DOP1B: variants seen among roughly 807,000 people sequenced by gnomAD.
The protein encoded by DOP1B is protein DOP1B.
In DOP1B, 174 loss-of-function variants were observed where a neutral mutation model predicts 233.5. The observed-to-expected ratio is 0.75, with a 90% CI of 0.66 to 0.85. The LOEUF (loss-of-function observed/expected upper bound fraction) is 0.85, where lower values mean the gene tolerates loss of function less well. Among genes scored for constraint, DOP1B ranks in the 40% least tolerant of loss-of-function variants. The pLI is 0.00. For missense variants in DOP1B, 2,652 were observed against 2,846.6 expected, an observed-to-expected ratio of 0.93 and a Z score of 1.56; for synonymous variants, 1,190 against 1,185.6, an observed-to-expected ratio of 1.00 and a Z score of -0.08.
rs1172730528 is a variant in DOP1B, at chr21:36,201,345, C to CTT, written c.491+863_491+864dup. 3.4e-3 allele frequency among the ~76,000 whole-genome samples: 282 copies of CTT among 83,248 alleles called. 28 individuals are homozygous for CTT. Among genetic ancestry groups the CTT allele is most frequent in the East Asian group, 0.019 (55 of 2,938 alleles). 54.6% of individuals were successfully genotyped at this position (83,248 alleles called of 152,430 possible). A position where few individuals can be genotyped will look rare whatever the true frequency, so the allele number is the denominator to read the frequency against. On this transcript the variant is annotated intron_variant, in intron 4 of 36. Coordinates refer to ENST00000691173, the MANE Select transcript of DOP1B (RefSeq NM_001320714.2). ...TCTATTCCACTGTATCTATTGGATT[C>CTT]TTTTTTTTTTTTTTTTTTTTGAGAC... is the stretch of plus-strand genomic sequence containing the variant.
chr21:36,245,542 G>A lies in DOP1B; in HGVS notation c.3562G>A (p.Ala1188Thr), dbSNP rs759779144. The A allele has an allele frequency of 1.2e-6, 2 of 1,613,518 alleles. No individual in the cohort carries two copies. The highest frequency in any genetic ancestry group is 1.7e-6 in the Non-Finnish European group (2 of 1,180,022). ...LVRVDSDKTQ[A>T]SESFSSDEEA... ...GCGGGTGGACTCGGACAAGACGCAG[G>A]CTTCTGAGTCGTTCTCCAGCGACGA... The change falls in exon 19 of 37, where the codon GCT becomes ACT. Residue 1188 changes from alanine to threonine, a missense_variant. Physicochemically the swap from Ala to Thr is moderately conservative, Grantham distance 58. Coordinates refer to ENST00000691173, the MANE Select transcript of DOP1B (RefSeq NM_001320714.2). The surrounding 1 kb of genome is among the most constrained non-coding windows in gnomAD (Gnocchi z 5.5).
chr21:36,179,143 C>CA, intron 2 of DOP1B, among the ~76,000 whole-genome samples: 1 of 152,358 alleles, frequency 6.6e-6, no homozygotes, highest in East Asian at 1.9e-4. Flanking sequence ...TTGTGTACAT[C>CA]AAAGTTTCCT....
At chr21:36,196,616 G>T (rs2066293442) in intron 2 of DOP1B, among the ~76,000 whole-genome samples, 1 of 151,016 alleles carries the variant, frequency 6.6e-6, no homozygotes, top group Non-Finnish European at 1.5e-5. Context: ...CTTCATAAAT[G>T]ATGTTTTAAG....
chr21:36,207,071 A>G (rs1261662750), intron 4 of DOP1B, among the ~76,000 whole-genome samples: 1 of 152,204 alleles, frequency 6.6e-6, no homozygotes, highest in African/African-American at 2.4e-5. Context: ...CACTTGCTCA[A>G]ATAGGCACTG....
At chr21:36,279,902 T>G (rs2067397222) in intron 30 of DOP1B, among the ~76,000 whole-genome samples, 1 of 152,134 alleles carries the variant, frequency 6.6e-6, no homozygotes, top group Non-Finnish European at 1.5e-5. Context: ...TGAGATGGAG[T>G]TTTGCTCTTG....
rs770088392 is a variant in DOP1B, at chr21:36,239,859, G to T, written c.2971G>T (p.Asp991Tyr). 6.3e-7 allele frequency: 1 copy of T among 1,595,326 alleles called. No homozygotes were observed. The highest frequency in any genetic ancestry group is 8.5e-7 in the Non-Finnish European group (1 of 1,172,730). Reference sequence around the variant, plus strand: ...GCTGGTGCGTGCGCTCTCCCTCGGGGACGTGGCTCGCATCCTCGAACCCGT... The same window carrying T: ...GCTGGTGCGTGCGCTCTCCCTCGGGTACGTGGCTCGCATCCTCGAACCCGT... Reference protein sequence around the residue: ...GWLVRALSLGDVARILEPVLL... With the variant: ...GWLVRALSLGYVARILEPVLL... Residue 991 changes from aspartate (D) to tyrosine (Y), a missense_variant, in exon 18 of 37, where the codon GAC becomes TAC. By Grantham distance (160) the Asp-to-Tyr change is radical. Transcript: ENST00000691173.
chr21:36,162,247 T>G (rs1291523219), intron 1 of DOP1B, among the ~76,000 whole-genome samples: 4 of 152,158 alleles, frequency 2.6e-5, no homozygotes, highest in African/African-American at 9.7e-5. Flanking sequence ...CAGACTGGAG[T>G]GCAGTGGCAT....
At chr21:36,187,867 C>A (rs755609070) in intron 2 of DOP1B, among the ~76,000 whole-genome samples, 5 of 152,166 alleles carry the variant, frequency 3.3e-5, no homozygotes, top group Non-Finnish European at 7.3e-5. Context: ...TCCCAAAGTG[C>A]TGGGATTACA....
At chr21:36,169,533 T>C in intron 2 of DOP1B, 1 of 1,120,418 alleles carries the variant, frequency 8.9e-7, no homozygotes, top group East Asian at 2.4e-5. Context: ...ATGATGTCGA[T>C]CATCTCGTCC....
Position 36,211,968 on chromosome 21 carries a change from T to C in DOP1B, c.781-6T>C, listed in dbSNP as rs185105346. 19 of 1,613,924 alleles carry C rather than the reference T, an allele frequency of 1.2e-5. No homozygotes were observed. In the Admixed American group the frequency reaches 1.7e-4, roughly 14 times the overall value. On this transcript the variant is annotated splice_polypyrimidine_tract_variant and splice_region_variant and intron_variant, in intron 6 of 36. Transcript: ENST00000691173. The stretch of plus-strand genomic sequence containing the variant: ...CTTGCAGTAAATTTCTCTGTCCTTC[T>C]AATAGGATTCCAATGAGAGAGCCAT...
intron 13 of DOP1B, 61 bp from the exon 14 acceptor site, chr21:36,230,389 C>A: frequency 6.7e-7 from 1 of 1,503,500 alleles, no homozygotes. Flanking sequence ...ATGATTTCAA[C>A]TGATACTTAA....
At chr21:36,270,225 G>A (rs1273084562) in intron 27 of DOP1B, 68 bp downstream of exon 27, 1 of 1,521,204 alleles carries the variant, frequency 6.6e-7, no homozygotes, top group Admixed American at 2.0e-5. Flanking sequence ...CCTTAAGAGA[G>A]ATCTTGAGTG....
At position 36,208,820 on chromosome 21, in the gene DOP1B, C is replaced by G. The variant is rs776272971; in HGVS notation, c.597C>G (p.Ala199=). The part of the protein sequence containing the change: ...VLASPSIRLP[A]SVFVVGHINR... ...CCAGCCCGTCCATCCGCCTCCCTGC[C>G]TCAGTCTTCGTGGTGGGCCACATCA... Residue 199 remains alanine (A), a synonymous_variant, in exon 5 of 37, where the codon GCC becomes GCG. Transcript: ENST00000691173. 1 of 1,605,268 alleles carries G rather than the reference C, an allele frequency of 6.2e-7. No homozygotes were observed. Among genetic ancestry groups the G allele is most frequent in the Non-Finnish European group, 8.5e-7 (1 of 1,175,772 alleles).
At chr21:36,212,939 G>A (rs927818893) in intron 7 of DOP1B, among the ~76,000 whole-genome samples, 8 of 152,098 alleles carry the variant, frequency 5.3e-5, no homozygotes, top group African/African-American at 9.7e-5. Context: ...CCACCACCCC[G>A]GCTGGGTAAT....
rs770985259 is a variant in DOP1B at position 36,239,866 on chromosome 21, C to T, written c.2978C>T (p.Ala993Val). The stretch of plus-strand genomic sequence containing the variant: ...CGTGCGCTCTCCCTCGGGGACGTGG[C>T]TCGCATCCTCGAACCCGTGCTCCTG... ...LVRALSLGDV[A>V]RILEPVLLLL... The change falls in exon 18 of 37, where the codon GCT (alanine) becomes GTT (valine). Residue 993 changes from alanine to valine, a missense_variant. Ala to Val is a moderately conservative substitution (Grantham distance 64). Coordinates refer to ENST00000691173, the MANE Select transcript of DOP1B (RefSeq NM_001320714.2). 6.3e-7 allele frequency: 1 copy of T among 1,598,906 alleles called. No homozygotes were observed. Among genetic ancestry groups the T allele is most frequent in the South Asian group, 1.1e-5 (1 of 89,180 alleles).
chr21:36,188,076 C>T (rs771265031), intron 2 of DOP1B, among the ~76,000 whole-genome samples: 10 of 152,150 alleles, frequency 6.6e-5, no homozygotes, highest in South Asian at 6.2e-4. Flanking sequence ...GCCTGAGTGA[C>T]CCATTCCTTG....
At chr21:36,219,563 T>TG in intron 10 of DOP1B, 71 bp downstream of exon 10, 1 of 1,578,364 alleles carries the variant, frequency 6.3e-7, no homozygotes, top group Middle Eastern at 1.7e-4. Context: ...TTTCCTCTCT[T>TG]GCTTACTATA....
intron 2 of DOP1B, among the ~76,000 whole-genome samples, chr21:36,175,026 G>A (rs116830238): frequency 0.011 from 1,704 of 152,184 alleles, 30 homozygotes; most frequent in African/African-American, 0.037. Flanking sequence ...CTGAGGCCTC[G>A]CTGCCTGGCT....
intron 26 of DOP1B, 104 bp downstream of exon 26, chr21:36,263,918 C>A: frequency 8.7e-7 from 1 of 1,146,788 alleles, no homozygotes; most frequent in Non-Finnish European, 1.3e-6. Flanking sequence ...TGGACAGAAT[C>A]TGAGGTTAGC....
Sources: gnomAD v4.1 joint callset for allele counts (sites outside exome capture counted in the v4.1 genomes callset) on GRCh38, gnomAD v4.1.1 for gene constraint, Gnocchi (gnomAD v3.1) non-coding constraint, MANE v1.5 for transcripts, NCBI Gene and HGNC (gene_info 2026-07-23, HGNC 2026-07-21) for gene names.